ACADM: variants seen among roughly 807,000 people sequenced by gnomAD.
ACADM encodes medium-chain specific acyl-CoA dehydrogenase, mitochondrial.
A neutral mutation model predicts 58.9 loss-of-function variants in ACADM; 49 were observed. The ratio of observed to expected loss-of-function variants is 0.83; its 90% CI spans 0.66 to 1.06. The LOEUF is 1.06. Among genes scored for constraint, ACADM ranks in the 50% least tolerant of loss-of-function variants. ACADM has a pLI of 0.00. For synonymous variants in ACADM, 160 were observed against 157.7 expected, an observed-to-expected ratio of 1.01 and a Z score of -0.11; for missense variants, 496 against 507.0, an observed-to-expected ratio of 0.98 and a Z score of 0.21.
chr1:75,754,530 T>C (rs1482028676), intron 10 of ACADM, among the ~76,000 whole-genome samples: 1 of 152,202 alleles, frequency 6.6e-6, no homozygotes, highest in Non-Finnish European at 1.5e-5. Context: ...GTCTGTGTAC[T>C]CTATGTATAG....
At position 75,744,617 on chromosome 1, in the gene ACADM, C is replaced by T. The variant is rs972728295; in HGVS notation, c.600-1189C>T. The T allele has an allele frequency of 3.6e-6, 4 of 1,116,564 alleles. No homozygotes were observed. In the African/African-American group the frequency reaches 6.2e-5, roughly 17 times the overall value. The allele number at this position is 1,116,564 out of a possible 1,614,324, so 69.2% of individuals were successfully genotyped here. On this transcript the variant is annotated intron_variant, in intron 7 of 11. Coordinates refer to ENST00000370841, the MANE Select transcript of ACADM (RefSeq NM_000016.6). ...GTTCTGAAGAAGCGAACACTGAAGACACTGTTGTTAATGACAACCTTCCTG... is the reference window on the plus strand; with the variant it reads ...GTTCTGAAGAAGCGAACACTGAAGATACTGTTGTTAATGACAACCTTCCTG...
chr1:75,725,461 A>G (rs1360835625), intron 1 of ACADM, among the ~76,000 whole-genome samples: 1 of 152,150 alleles, frequency 6.6e-6, no homozygotes, highest in Non-Finnish European at 1.5e-5. Flanking sequence ...AATAATCCTA[A>G]AGAATTGCTG....
chr1:75,760,958 G>A (rs543890250), intron 10 of ACADM, among the ~76,000 whole-genome samples, 164 bp from the exon 11 acceptor site: 117 of 152,262 alleles, frequency 7.7e-4, no homozygotes, highest in African/African-American at 2.7e-3. Flanking sequence ...TGTAATCTCA[G>A]CACTTTGAGA....
intron 10 of ACADM, among the ~76,000 whole-genome samples, chr1:75,756,902 A>G (rs1648538272): frequency 6.6e-6 from 1 of 152,230 alleles, no homozygotes; most frequent in Admixed American, 6.5e-5. Flanking sequence ...TGGAAATAAT[A>G]CCACATGTCT....
intron 1 of ACADM, 87 bp downstream of exon 1, chr1:75,724,904 G>C: frequency 7.7e-7 from 1 of 1,301,398 alleles, no homozygotes; most frequent in Non-Finnish European, 1.0e-6. Flanking sequence ...AATAGGTGCG[G>C]CCGGGAGGAG....
chr1:75,728,514 C>G (rs1647091354), intron 2 of ACADM, 26 bp downstream of exon 2: 5 of 1,515,294 alleles, frequency 3.3e-6, no homozygotes, highest in Non-Finnish European at 4.6e-6. Context: ...TATCTTTTGA[C>G]TTTAAACTTA....
intron 7 of ACADM, chr1:75,743,611 A>G (rs1647707557): frequency 3.2e-6 from 5 of 1,557,316 alleles, no homozygotes; most frequent in Non-Finnish European, 4.4e-6. Flanking sequence ...GATGGCAGAC[A>G]GGGGGGTTGA....
intron 1 of ACADM, among the ~76,000 whole-genome samples, chr1:75,726,800 C>CTTTT (rs748703972): frequency 1.5e-4 from 18 of 119,836 alleles, no homozygotes; most frequent in African/African-American, 3.8e-4. Flanking sequence ...AACTGTTTCA[C>CTTTT]TTTTTTTTTT....
intron 11 of ACADM, among the ~76,000 whole-genome samples, chr1:75,762,054 T>C (rs980072723): frequency 3.3e-5 from 5 of 152,220 alleles, no homozygotes; most frequent in African/African-American, 1.2e-4. Flanking sequence ...ATGAAAAAAC[T>C]GAGGTCCAGA....
Position 75,763,058 on chromosome 1 carries a change from T to C in ACADM, c.*295T>C, listed in dbSNP as rs1158906733. ...TAAGATTAATGTAGCAGAAATTTCT[T>C]GGAATTTTATTTTTGTAATGACAGA... On this transcript the variant is annotated 3_prime_UTR_variant, in exon 12 of 12. Coordinates refer to ENST00000370841, the MANE Select transcript of ACADM (RefSeq NM_000016.6). The C allele has an allele frequency of 1.5e-5, 3 of 198,302 alleles. No individual in the cohort carries two copies. The Admixed American group carries it at 1.7e-4, about 11-fold the overall frequency. The allele number at this position is 198,302 out of a possible 1,614,324, so 12.3% of individuals were successfully genotyped here. A position where few individuals can be genotyped will look rare whatever the true frequency, so the allele number is the denominator to read the frequency against.
chr1:75,736,163 C>CAGACAT (rs1170329057), intron 6 of ACADM, among the ~76,000 whole-genome samples: 6 of 112,126 alleles, frequency 5.4e-5, no homozygotes, highest in Admixed American at 3.4e-4. Flanking sequence ...GATAAATACA[C>CAGACAT]ACACAGACAT....
rs192806622 is a variant in ACADM at position 75,751,791 on chromosome 1, G to A, written c.945+1245G>A. ...TAGGATTACAGGCCTGAACCACTGCGCCTGGCCTATGTTATACTCTTAATT... is the reference window on the plus strand; with the variant it reads ...TAGGATTACAGGCCTGAACCACTGCACCTGGCCTATGTTATACTCTTAATT... On this transcript the variant is annotated intron_variant, in intron 10 of 11. Coordinates refer to ENST00000370841, the MANE Select transcript of ACADM (RefSeq NM_000016.6). 2.1e-3 allele frequency among the ~76,000 whole-genome samples: 314 copies of A among 152,086 alleles called. 2 individuals are homozygous for A. Among genetic ancestry groups the A allele is most frequent in the Middle Eastern group, 0.01 (3 of 294 alleles).
At chr1:75,745,090 C>A (rs1396567866) in intron 7 of ACADM, among the ~76,000 whole-genome samples, 2 of 151,938 alleles carry the variant, frequency 1.3e-5, no homozygotes, top group Admixed American at 6.6e-5. Context: ...TGTTTTTTTC[C>A]TACACATATA....
intron 2 of ACADM, among the ~76,000 whole-genome samples, chr1:75,730,542 C>G (rs1472641691): frequency 7.2e-6 from 1 of 138,452 alleles, no homozygotes; most frequent in Non-Finnish European, 1.6e-5. Context: ...TGTCATTTTT[C>G]CTTTTTTTTT....
intron 7 of ACADM, among the ~76,000 whole-genome samples, chr1:75,741,754 CA>C (rs757817867): frequency 3.1e-4 from 47 of 151,922 alleles, no homozygotes; most frequent in Non-Finnish European, 5.7e-4. Context: ...TGGTTTTAAC[CA>C]AAGAAAATAA....
intron 6 of ACADM, among the ~76,000 whole-genome samples, chr1:75,738,799 T>C (rs2100386318): frequency 6.6e-6 from 1 of 152,182 alleles, no homozygotes; most frequent in African/African-American, 2.4e-5. Flanking sequence ...AACTTGTTTC[T>C]TTAGTATCCA....
At chr1:75,751,940 A>G (rs1251984727) in intron 10 of ACADM, among the ~76,000 whole-genome samples, 2 of 150,820 alleles carry the variant, frequency 1.3e-5, no homozygotes, top group African/African-American at 4.9e-5. Context: ...CTCCCCCATT[A>G]TCTGTATTCT....
In ACADM at chr1:75,726,784, CA is replaced by C. The variant is rs537612556; in HGVS notation, c.31-1616del. Among the ~76,000 whole-genome samples the C allele has an allele frequency of 2.0e-3, 303 of 150,464 alleles. 2 individuals carry two copies. Among genetic ancestry groups the C allele is most frequent in the African/African-American group, 6.9e-3 (283 of 40,958 alleles). On this transcript the variant is annotated intron_variant, in intron 1 of 11. Transcript: ENST00000370841. ...TCTGTGACTGCTGGACAATAAGCAC[CA>C]GAGAAACTGTTTCACTTTTTTTTTT...
At chr1:75,757,584 A>C (rs1021567904) in intron 10 of ACADM, among the ~76,000 whole-genome samples, 1 of 152,252 alleles carries the variant, frequency 6.6e-6, no homozygotes, top group Non-Finnish European at 1.5e-5. Context: ...GTGGAGAAAT[A>C]GGAATACTTT....
Sources: gnomAD v4.1 joint callset for allele counts (sites outside exome capture counted in the v4.1 genomes callset) on GRCh38, gnomAD v4.1.1 for gene constraint, MANE v1.5 for transcripts, NCBI Gene and HGNC (gene_info 2026-07-23, HGNC 2026-07-21) for gene names.